The following DLGAP1 variants were observed in gnomAD, a reference collection of about 807,000 sequenced individuals.
DLGAP1 encodes disks large-associated protein 1.
A neutral mutation model predicts 90.8 loss-of-function variants in DLGAP1; 11 were observed. That is an observed-to-expected ratio of 0.12 (90% confidence interval 0.08 to 0.20). DLGAP1 has a LOEUF of 0.20. Among genes scored for constraint, DLGAP1 ranks in the 10% least tolerant of loss-of-function variants. DLGAP1 has a pLI of 1.00. For missense variants in DLGAP1, 1,050 were observed against 1,333.8 expected (o/e 0.79, Z 3.31); for synonymous variants, 558 against 540.7 (o/e 1.03, Z -0.44).
intron 10 of DLGAP1, among the ~76,000 whole-genome samples, chr18:3,515,742 G>A (rs1310304987): frequency 3.0e-5 from 4 of 133,080 alleles, no homozygotes; most frequent in Non-Finnish European, 6.1e-5. Context: ...TTGTGCCACC[G>A]CACTCCAATC....
At chr18:4,407,016 T>C (rs1398743040) in intron 1 of DLGAP1, among the ~76,000 whole-genome samples, 2 of 152,180 alleles carry the variant, frequency 1.3e-5, no homozygotes, top group Non-Finnish European at 2.9e-5. Context: ...AAAATTGCAC[T>C]CTCCTGTCAC....
At chr18:3,847,856 TAA>T (rs1207048008) in intron 4 of DLGAP1, among the ~76,000 whole-genome samples, 1 of 152,030 alleles carries the variant, frequency 6.6e-6, no homozygotes. Context: ...TTGTGAATTT[TAA>T]AAAGAGACAA....
chr18:3,551,705 TCCC>T (rs2053461235), intron 9 of DLGAP1, among the ~76,000 whole-genome samples: 4 of 21,816 alleles, frequency 1.8e-4, no homozygotes, highest in African/African-American at 2.5e-4. Flanking sequence ...CCTCCCTCCC[TCCC>T]TCCCTCCCTC....
chr18:3,977,186 C>T (rs2073600740), intron 3 of DLGAP1, among the ~76,000 whole-genome samples: 1 of 152,154 alleles, frequency 6.6e-6, no homozygotes, highest in Non-Finnish European at 1.5e-5. Flanking sequence ...GCAATTCTGC[C>T]TCAGGCTCCC....
At chr18:4,104,278 C>G (rs575660956) in intron 2 of DLGAP1, among the ~76,000 whole-genome samples, 1 of 151,946 alleles carries the variant, frequency 6.6e-6, no homozygotes, top group Non-Finnish European at 1.5e-5. Context: ...ATTATTTTAG[C>G]GAATTTTGGT....
intron 3 of DLGAP1, among the ~76,000 whole-genome samples, chr18:3,945,728 C>A (rs1272390738): frequency 3.3e-5 from 5 of 151,960 alleles, no homozygotes; most frequent in African/African-American, 1.2e-4. Flanking sequence ...CACATGTATA[C>A]ATATGTAACT....
chr18:3,592,915 GAAAGAAAAGA>G (rs2056361791), intron 7 of DLGAP1, among the ~76,000 whole-genome samples: 1 of 115,814 alleles, frequency 8.6e-6, no homozygotes, highest in Non-Finnish European at 2.0e-5. Flanking sequence ...AGAAAAAAAA[GAAAGAAAAGA>G]AAAGAAAAAG....
chr18:4,083,821 A>T (rs2075645959), intron 2 of DLGAP1, among the ~76,000 whole-genome samples: 2 of 152,070 alleles, frequency 1.3e-5, no homozygotes, highest in South Asian at 4.1e-4. Context: ...ACAGCTCCCG[A>T]GGCCCCAGTA....
intron 2 of DLGAP1, among the ~76,000 whole-genome samples, chr18:4,021,615 T>A (rs2149113142): frequency 6.6e-6 from 1 of 152,288 alleles, no homozygotes; most frequent in South Asian, 2.1e-4. Flanking sequence ...TTTTCTTTTT[T>A]TAGACCGAGA....
intron 3 of DLGAP1, among the ~76,000 whole-genome samples, chr18:3,948,068 C>T (rs1275551430): frequency 1.3e-5 from 2 of 152,132 alleles, no homozygotes; most frequent in Non-Finnish European, 2.9e-5. Context: ...AAGCAAAGTA[C>T]ACTCCCATAC....
intron 3 of DLGAP1, among the ~76,000 whole-genome samples, chr18:3,979,988 T>G (rs952673976): frequency 6.6e-6 from 1 of 152,006 alleles, no homozygotes; most frequent in African/African-American, 2.4e-5. Flanking sequence ...ATACAAAAAT[T>G]AGCCAGGCGT....
chr18:3,910,415 T>C (rs567671848), intron 3 of DLGAP1, among the ~76,000 whole-genome samples: 16 of 151,864 alleles, frequency 1.1e-4, no homozygotes, highest in African/African-American at 3.9e-4. Context: ...GCATGGAGAG[T>C]GATGTCTGGA....
At chr18:3,824,917 A>T (rs1233657447) in intron 4 of DLGAP1, among the ~76,000 whole-genome samples, 2 of 152,244 alleles carry the variant, frequency 1.3e-5, no homozygotes, top group Admixed American at 1.3e-4. Context: ...GATCGGGAAA[A>T]TAACTGAATA....
In DLGAP1 at chr18:4,128,361, A is replaced by G. The variant is rs193164142; in HGVS notation, c.-159+22819T>C. Reference sequence around the variant, plus strand: ...CTATATGCAAATACTACATCATTTTATACAAGAGACTTGAGCATCTGTGGA... The same window carrying G: ...CTATATGCAAATACTACATCATTTTGTACAAGAGACTTGAGCATCTGTGGA... On this transcript the variant is annotated intron_variant, in intron 2 of 12. Transcript: ENST00000315677. 5.6e-4 allele frequency among the ~76,000 whole-genome samples: 86 copies of G among 152,288 alleles called. 1 individual carries two copies. Among genetic ancestry groups the G allele is most frequent in the Middle Eastern group, 6.8e-3 (2 of 294 alleles).
chr18:3,783,291 G>T (rs1372336460), intron 5 of DLGAP1, among the ~76,000 whole-genome samples: 1 of 152,142 alleles, frequency 6.6e-6, no homozygotes, highest in Non-Finnish European at 1.5e-5. Context: ...CAGCAATTCT[G>T]CTCCTAGCTA....
At chr18:4,240,864 T>C (rs1219081339) in intron 1 of DLGAP1, among the ~76,000 whole-genome samples, 3 of 152,224 alleles carry the variant, frequency 2.0e-5, no homozygotes, top group East Asian at 1.9e-4. Flanking sequence ...GTGGTTACTA[T>C]GCAATCATAC....
At chr18:4,221,436 GT>G (rs2078074378) in intron 1 of DLGAP1, among the ~76,000 whole-genome samples, 1 of 152,018 alleles carries the variant, frequency 6.6e-6, no homozygotes, top group South Asian at 2.1e-4. Context: ...CTGACATCAG[GT>G]TTGGTTATGT....
chr18:3,810,096 T>C (rs1290742249), intron 5 of DLGAP1, among the ~76,000 whole-genome samples: 2 of 152,170 alleles, frequency 1.3e-5, no homozygotes, highest in Non-Finnish European at 2.9e-5. Context: ...AAGGAAAAGC[T>C]AGTGATGAGG....
At chr18:3,813,539 C>T (rs761008041) in intron 5 of DLGAP1, among the ~76,000 whole-genome samples, 3 of 152,094 alleles carry the variant, frequency 2.0e-5, no homozygotes, top group Non-Finnish European at 2.9e-5. Context: ...TAATACATAT[C>T]GAGTGCCCAA....
Sources: gnomAD v4.1 joint callset for allele counts (sites outside exome capture counted in the v4.1 genomes callset) on GRCh38, gnomAD v4.1.1 for gene constraint, MANE v1.5 for transcripts, NCBI Gene and HGNC (gene_info 2026-07-23, HGNC 2026-07-21) for gene names.